The following ZNF479 variants were observed in gnomAD, a reference collection of about 807,000 sequenced individuals.
ZNF479 encodes the protein zinc finger protein 479.
Under a neutral mutation model 14.7 loss-of-function variants are expected in ZNF479, and 15 were observed. The ratio of observed to expected loss-of-function variants is 1.02; its 90% CI spans 0.68 to 1.57. The LOEUF is 1.57. Ranked by LOEUF, ZNF479 falls within the 40% of genes most tolerant of loss-of-function variation. The probability of loss-of-function intolerance (pLI) is 0.00; values close to 1 mark genes in which losing one functional copy is unlikely to be tolerated. For synonymous variants in ZNF479, 145 were observed against 211.5 expected, an observed-to-expected ratio of 0.69 and a Z score of 2.73; for missense variants, 506 against 615.1, an observed-to-expected ratio of 0.82 and a Z score of 1.88.
In ZNF479 at chr7:57,132,314, C is replaced by G; in HGVS notation, c.11G>C (p.Arg4Thr). 1 of 1,614,094 alleles carries G rather than the reference C, an allele frequency of 6.2e-7. No individual in the cohort carries two copies. The highest frequency in any genetic ancestry group is 8.5e-7 in the Non-Finnish European group (1 of 1,180,004). MAK[R>T]PGPPGSREMG... ...TTCTCGGCTTCCAGGGGGTCCTGGT[C>G]TTTTAGCCATAAATCTGCAGATACC... The change falls in exon 1 of 4, where the codon AGA becomes ACA. Residue 4 changes from arginine (R) to threonine (T), a missense_variant. By Grantham distance (71) the Arg-to-Thr change is moderately conservative. This residue lies in a region of ZNF479 where 420 missense variants were observed against 474.2 expected (regional missense o/e 0.89). Transcript: ENST00000319636.
chr7:57,131,827 G>T (rs887567286), intron 1 of ZNF479, among the ~76,000 whole-genome samples: 2 of 152,092 alleles, frequency 1.3e-5, no homozygotes, highest in Non-Finnish European at 2.9e-5. Flanking sequence ...CCATAGCTGG[G>T]TGCTCTATGA....
rs1473076598 is a variant in ZNF479 at position 57,118,843 on chromosome 7, C to T, written c.*997G>A. The stretch of plus-strand genomic sequence containing the variant: ...CATTCTTCATATTTGTAGGAGTCTT[C>T]TTCAGTATAAACTATCTTACCTACC... On this transcript the variant is annotated 3_prime_UTR_variant, in exon 4 of 4. Transcript: ENST00000319636. Among the ~76,000 whole-genome samples, 2 of 139,240 alleles carry T rather than the reference C, an allele frequency of 1.4e-5. No homozygotes were observed. Among genetic ancestry groups the T allele is most frequent in the East Asian group, 5.1e-4 (2 of 3,960 alleles). 91.3% of individuals were successfully genotyped at this position (139,240 alleles called of 152,430 possible).
intron 1 of ZNF479, among the ~76,000 whole-genome samples, chr7:57,129,250 A>T (rs1434882231): frequency 1.3e-5 from 2 of 151,996 alleles, no homozygotes; most frequent in Non-Finnish European, 2.9e-5. Context: ...GTTGAACTAA[A>T]CTCTCCTGAA....
Position 57,118,606 on chromosome 7 carries a change from A to G in ZNF479, c.*1234T>C, listed in dbSNP as rs1309096719. Among the ~76,000 whole-genome samples the G allele has an allele frequency of 6.6e-6, 1 of 152,156 alleles. No homozygotes were observed. Among genetic ancestry groups the G allele is most frequent in the Non-Finnish European group, 1.5e-5 (1 of 68,022 alleles). The stretch of plus-strand genomic sequence containing the variant: ...AGGCTGGTCTTGAACTCCTGACCTC[A>G]TGATCCACCGACCTTGGTCTCCCAA... On this transcript the variant is annotated 3_prime_UTR_variant, in exon 4 of 4. Coordinates refer to ENST00000319636, the MANE Select transcript of ZNF479 (RefSeq NM_001370129.2).
At position 57,131,732 on chromosome 7, in the gene ZNF479, A is replaced by G. The variant is rs1786433725; in HGVS notation, c.39+554T>C. Among the ~76,000 whole-genome samples, 3 of 152,136 alleles carry G rather than the reference A, an allele frequency of 2.0e-5. No homozygotes were observed. In the South Asian group the frequency reaches 6.2e-4, roughly 32 times the overall value. ...TAAGGAAACTACATAACTGTACCAA[A>G]CCAATTATTGAATCTGGTTTGCTTC... On this transcript the variant is annotated intron_variant, in intron 1 of 3. Transcript: ENST00000319636.
rs1373042409 is a variant in ZNF479 at position 57,117,696 on chromosome 7, A to G, written c.*2144T>C. Among the ~76,000 whole-genome samples, 5 of 152,278 alleles carry G rather than the reference A, an allele frequency of 3.3e-5. No individual in the cohort carries two copies. The highest frequency in any genetic ancestry group is 7.3e-5 in the Non-Finnish European group (5 of 68,048). The stretch of plus-strand genomic sequence containing the variant: ...TAATCTTTAAAAAATTTTTAAATTT[A>G]TTGCATTTTATTACATAAACGTACA... On this transcript the variant is annotated 3_prime_UTR_variant, in exon 4 of 4. Coordinates refer to ENST00000319636, the MANE Select transcript of ZNF479 (RefSeq NM_001370129.2).
intron 3 of ZNF479, among the ~76,000 whole-genome samples, chr7:57,124,151 A>G (rs1459282216): frequency 6.6e-6 from 1 of 152,026 alleles, no homozygotes; most frequent in Non-Finnish European, 1.5e-5. Flanking sequence ...TTTAAATTTT[A>G]TTATGAACCA....
intron 3 of ZNF479, 128 bp downstream of exon 3, chr7:57,125,890 A>C: frequency 1.6e-5 from 21 of 1,287,778 alleles, no homozygotes; most frequent in Non-Finnish European, 2.3e-5. Flanking sequence ...AAAGAAAAAA[A>C]TGACTTGAGC....
chr7:57,124,299 C>T (rs182495440), intron 3 of ZNF479, among the ~76,000 whole-genome samples: 3 of 152,106 alleles, frequency 2.0e-5, no homozygotes, highest in African/African-American at 7.2e-5. Flanking sequence ...AAATAGAAAG[C>T]CCAGCAATGA....
In ZNF479 at chr7:57,119,758, C is replaced by T; in HGVS notation, c.*82G>A. On this transcript the variant is annotated 3_prime_UTR_variant, in exon 4 of 4. Coordinates refer to ENST00000319636, the MANE Select transcript of ZNF479 (RefSeq NM_001370129.2). ...GGTTTGGAACTGGTTAAAGGCTTGGCCACATTCTCTACATTTGTAGTGTTT... is the reference window on the plus strand; with the variant it reads ...GGTTTGGAACTGGTTAAAGGCTTGGTCACATTCTCTACATTTGTAGTGTTT... 16 of 1,210,744 alleles carry T rather than the reference C, an allele frequency of 1.3e-5. No individual in the cohort carries two copies. Among genetic ancestry groups the T allele is most frequent in the Non-Finnish European group, 1.8e-5 (16 of 866,678 alleles). 75.0% of individuals were successfully genotyped at this position (1,210,744 alleles called of 1,614,324 possible). A position where few individuals can be genotyped will look rare whatever the true frequency, so the allele number is the denominator to read the frequency against.
chr7:57,123,265 C>G (rs973920360), intron 3 of ZNF479, among the ~76,000 whole-genome samples: 6 of 152,110 alleles, frequency 3.9e-5, no homozygotes, highest in African/African-American at 1.4e-4. Flanking sequence ...CTTTAAGCAA[C>G]CAGCTCTCAT....
At position 57,126,625 on chromosome 7, in the gene ZNF479, T is replaced by A. The variant is rs774322219; in HGVS notation, c.133A>T (p.Met45Leu). The A allele has an allele frequency of 6.2e-7, 1 of 1,614,090 alleles. No individual in the cohort carries two copies. Among genetic ancestry groups the A allele is most frequent in the South Asian group, 1.1e-5 (1 of 91,076 alleles). The change falls in exon 2 of 4, where the codon ATG (methionine) becomes TTG (leucine). Residue 45 changes from methionine to leucine, a missense_variant. Coordinates refer to ENST00000319636, the MANE Select transcript of ZNF479 (RefSeq NM_001370129.2). ...CAQRNLYRDV[M>L]LENYRNLVSL... is the part of the protein sequence containing the mutation. Reference sequence around the variant, plus strand: ...ACCAGGTTTCTGTAGTTCTCTAACATCACATCTCTATATAAATTCCGCTGA... The same window carrying A: ...ACCAGGTTTCTGTAGTTCTCTAACAACACATCTCTATATAAATTCCGCTGA...
upstream of ZNF479, among the ~76,000 whole-genome samples, chr7:57,135,934 C>A (rs989704635): frequency 4.6e-5 from 7 of 151,630 alleles, no homozygotes; most frequent in Admixed American, 4.6e-4. Flanking sequence ...TCCTGAGCTC[C>A]TCACCTTTCC....
In ZNF479 at chr7:57,119,527, A is replaced by C. The variant is rs1554399649; in HGVS notation, c.*313T>G. 3.8e-6 allele frequency: 1 copy of C among 264,148 alleles called. No individual in the cohort carries two copies. Among genetic ancestry groups the C allele is most frequent in the East Asian group, 1.0e-4 (1 of 9,880 alleles). The allele number at this position is 264,148 out of a possible 1,614,324, so 16.4% of individuals were successfully genotyped here. On this transcript the variant is annotated 3_prime_UTR_variant, in exon 4 of 4. Coordinates refer to ENST00000319636, the MANE Select transcript of ZNF479 (RefSeq NM_001370129.2). ...GAGGCTGAGGCAGGAGAATCGCTTG[A>C]ACCCGGAAGGCAGAGGTTACAGTGA...
At chr7:57,123,754 G>A (rs1174488969) in intron 3 of ZNF479, among the ~76,000 whole-genome samples, 1 of 152,050 alleles carries the variant, frequency 6.6e-6, no homozygotes, top group Non-Finnish European at 1.5e-5. Flanking sequence ...GATTACTTGA[G>A]TCCAAGAGGT....
At chr7:57,139,420 T>C (rs1299581527) in intron 1 of ZNF479, among the ~76,000 whole-genome samples, 8 of 152,190 alleles carry the variant, frequency 5.3e-5, no homozygotes, top group Non-Finnish European at 1.0e-4. Flanking sequence ...AGGTTGTGAG[T>C]CAAATACTTA....
Position 57,119,806 on chromosome 7 carries a change from T to G in ZNF479, c.*34A>C. Reference sequence around the variant, plus strand: ...TTTTTTTCCAGTGTAAATTATTTTATGTATTATAAGGCCTGAGGGTGGACT... The same window carrying G: ...TTTTTTTCCAGTGTAAATTATTTTAGGTATTATAAGGCCTGAGGGTGGACT... On this transcript the variant is annotated 3_prime_UTR_variant, in exon 4 of 4. Coordinates refer to ENST00000319636, the MANE Select transcript of ZNF479 (RefSeq NM_001370129.2). The G allele has an allele frequency of 6.5e-7, 1 of 1,544,110 alleles. No homozygotes were observed. The highest frequency in any genetic ancestry group is 8.8e-7 in the Non-Finnish European group (1 of 1,133,840).
At chr7:57,132,694 C>T (rs183788664), upstream of ZNF479, among the ~76,000 whole-genome samples, 523 of 152,280 alleles carry the variant, frequency 3.4e-3, 2 homozygotes, top group African/African-American at 0.011. Flanking sequence ...TGTATAATGT[C>T]ATATGCATTT....
At position 57,118,413 on chromosome 7, in the gene ZNF479, C is replaced by T. The variant is rs1319627775; in HGVS notation, c.*1427G>A. Among the ~76,000 whole-genome samples the T allele has an allele frequency of 3.9e-5, 6 of 152,124 alleles. No homozygotes were observed. The highest frequency in any genetic ancestry group is 1.4e-4 in the African/African-American group (6 of 41,430). On this transcript the variant is annotated 3_prime_UTR_variant, in exon 4 of 4. Transcript: ENST00000319636. ...TTGAGACAGAGTCTTGCTCTGTCAC[C>T]CAGGCTGTAGTGTAGTGGCTCTATC...
Sources: allele counts gnomAD v4.1 joint callset (sites outside exome capture counted in the v4.1 genomes callset), GRCh38; gene constraint gnomAD v4.1.1; regional missense constraint gnomAD v4.1.1; transcripts MANE v1.5; gene names NCBI Gene and HGNC (gene_info 2026-07-23, HGNC 2026-07-21).